GPHN: variants seen among roughly 807,000 people sequenced by gnomAD.
GPHN encodes gephyrin.
A neutral mutation model predicts 95.5 loss-of-function variants in GPHN; 17 were observed. The observed-to-expected ratio is 0.18, with a 90% confidence interval of 0.12 to 0.27. GPHN has a LOEUF of 0.27. GPHN is among the 10% of genes least tolerant of loss of function. GPHN has a pLI of 1.00. For missense variants in GPHN, 660 were observed against 978.1 expected (o/e 0.67, Z 4.34); for synonymous variants, 320 against 322.5 (o/e 0.99, Z 0.08).
intron 1 of GPHN, among the ~76,000 whole-genome samples, chr14:66,602,550 TC>T (rs750792327): frequency 6.6e-6 from 1 of 152,000 alleles, no homozygotes; most frequent in African/African-American, 2.4e-5. Context: ...TTTTGTTTTT[TC>T]ATGTTAAAGG....
the GPHN span, among the ~76,000 whole-genome samples, chr14:67,494,785 A>G: frequency 6.6e-6 from 1 of 152,202 alleles, no homozygotes; most frequent in Non-Finnish European, 1.5e-5. Context: ...ACATTTGACA[A>G]GAACCAAGGC....
chr14:66,972,288 A>AG (rs2069853914), intron 9 of GPHN, among the ~76,000 whole-genome samples: 1 of 127,218 alleles, frequency 7.9e-6, no homozygotes, highest in Non-Finnish European at 1.5e-5. Flanking sequence ...AAAAAAAGAA[A>AG]GAAAAAAAAG....
chr14:67,484,070 C>CAT, the GPHN span, among the ~76,000 whole-genome samples: 9 of 152,206 alleles, frequency 5.9e-5, no homozygotes, highest in Admixed American at 1.3e-4. Flanking sequence ...GCTGAGCTGT[C>CAT]ATATCTCAGG....
chr14:67,477,726 A>G, the GPHN span, among the ~76,000 whole-genome samples: 2 of 152,322 alleles, frequency 1.3e-5, no homozygotes, highest in Admixed American at 6.5e-5. Context: ...GAACTCTTGA[A>G]TTCAAGACTA....
At chr14:66,881,240 T>G (rs1248968521) in intron 5 of GPHN, among the ~76,000 whole-genome samples, 1 of 151,922 alleles carries the variant, frequency 6.6e-6, no homozygotes, top group Non-Finnish European at 1.5e-5. Context: ...AGAATTAAAG[T>G]ACCACGATAG....
At chr14:66,763,496 T>G (rs1219686007) in intron 2 of GPHN, among the ~76,000 whole-genome samples, 1 of 147,418 alleles carries the variant, frequency 6.8e-6, no homozygotes, top group Non-Finnish European at 1.5e-5. Flanking sequence ...CGGTGTTTGG[T>G]TTTTTGTTCT....
chr14:67,392,747 G>A, the GPHN span: 2 of 1,614,132 alleles, frequency 1.2e-6, no homozygotes, highest in South Asian at 1.1e-5. Flanking sequence ...GACACCCACA[G>A]GCCTGAGGAA....
Position 66,792,146 on chromosome 14 carries a change from G to A in GPHN, c.201+15625G>A, listed in dbSNP as rs113471315. Among the ~76,000 whole-genome samples the A allele has an allele frequency of 3.1e-3, 466 of 152,220 alleles. 10 individuals carry two copies. The highest frequency in any genetic ancestry group is 0.011 in the African/African-American group (441 of 41,532). On this transcript the variant is annotated intron_variant, in intron 3 of 22. Transcript: ENST00000478722. ...TATTATAATTCAAGGTGAGATTTGA[G>A]TAGGGACATAGCTAGACTCTATCAG...
chr14:67,053,132 A>G (rs1209649339), intron 10 of GPHN, among the ~76,000 whole-genome samples: 4 of 147,872 alleles, frequency 2.7e-5, no homozygotes, highest in Non-Finnish European at 6.0e-5. Context: ...AGATAGAGAC[A>G]CGAAAAACCT....
intron 10 of GPHN, among the ~76,000 whole-genome samples, chr14:67,030,460 C>T (rs1303633848): frequency 6.6e-6 from 1 of 152,182 alleles, no homozygotes; most frequent in Non-Finnish European, 1.5e-5. Flanking sequence ...AAATTGCTTA[C>T]TATTGGCTTC....
the GPHN span, among the ~76,000 whole-genome samples, chr14:67,600,715 G>C: frequency 6.6e-6 from 1 of 152,134 alleles, no homozygotes; most frequent in Non-Finnish European, 1.5e-5. Context: ...GAGTAGCTGG[G>C]ATTACAGGCG....
chr14:66,722,575 C>T (rs994030345), intron 2 of GPHN, among the ~76,000 whole-genome samples: 1 of 152,096 alleles, frequency 6.6e-6, no homozygotes, highest in Non-Finnish European at 1.5e-5. Context: ...TTTTGAGTAG[C>T]TAGGACTACA....
chr14:66,862,829 CATA>C (rs1260180883), intron 4 of GPHN, among the ~76,000 whole-genome samples: 1 of 152,020 alleles, frequency 6.6e-6, no homozygotes, highest in African/African-American at 2.4e-5. Context: ...CATCCTTCAA[CATA>C]ATAAGAGCTA....
the GPHN span, among the ~76,000 whole-genome samples, chr14:67,439,551 T>TTCTTTC: frequency 1.6e-5 from 1 of 63,626 alleles, no homozygotes; most frequent in Non-Finnish European, 3.1e-5. Context: ...CTTTCTTTCT[T>TTCTTTC]TCTTTCTTTC....
chr14:67,086,263 T>C (rs2076878161), intron 11 of GPHN, among the ~76,000 whole-genome samples: 1 of 152,240 alleles, frequency 6.6e-6, no homozygotes, highest in Non-Finnish European at 1.5e-5. Context: ...TTTAATTTTT[T>C]AACTTGCAAC....
Position 67,038,328 on chromosome 14 carries a change from TA to T in GPHN, c.1006+14656del, listed in dbSNP as rs1446788043. On this transcript the variant is annotated intron_variant, in intron 10 of 22. Transcript: ENST00000478722. ...GAAATAGGGAATTAGCCAATGGATGTAAAGCTTCATTCACACAAAATGAGAA... is the reference window on the plus strand; with the variant it reads ...GAAATAGGGAATTAGCCAATGGATGTAAGCTTCATTCACACAAAATGAGAA... Among the ~76,000 whole-genome samples, 4 of 152,206 alleles carry T rather than the reference TA, an allele frequency of 2.6e-5. No homozygotes were observed. The East Asian group carries it at 7.7e-4, about 29-fold the overall frequency.
the GPHN span, chr14:67,533,195 C>A: frequency 1.3e-5 from 2 of 152,068 alleles, no homozygotes; most frequent in African/African-American, 4.8e-5. Context: ...CAAGGCTCGG[C>A]CGGGCTTTGT....
At chr14:67,099,619 C>A (rs2077585556) in intron 12 of GPHN, among the ~76,000 whole-genome samples, 1 of 151,482 alleles carries the variant, frequency 6.6e-6, no homozygotes, top group South Asian at 2.1e-4. Flanking sequence ...AATACAACAT[C>A]CTGTGACAGA....
At chr14:67,083,874 ATCCT>A (rs1321202541) in intron 11 of GPHN, among the ~76,000 whole-genome samples, 1 of 152,168 alleles carries the variant, frequency 6.6e-6, no homozygotes, top group Non-Finnish European at 1.5e-5. Context: ...TCTATTTTAT[ATCCT>A]CTTTGATCGA....
Sources: allele counts gnomAD v4.1 joint callset (sites outside exome capture counted in the v4.1 genomes callset), GRCh38; gene constraint gnomAD v4.1.1; transcripts MANE v1.5; gene names NCBI Gene and HGNC (gene_info 2026-07-23, HGNC 2026-07-21).